Variants in EDARADD observed in about 807,000 individuals in gnomAD.
EDARADD encodes the protein EDAR associated via death domain.
Under a neutral mutation model 25.6 loss-of-function variants are expected in EDARADD, and 20 were observed. That is an observed-to-expected ratio of 0.78 (90% CI 0.55 to 1.14). EDARADD has a LOEUF of 1.14. Ranked by LOEUF, EDARADD falls within the 50% of genes most tolerant of loss-of-function variation. The probability of loss-of-function intolerance (pLI) is 0.00; values close to 1 mark genes in which losing one functional copy is unlikely to be tolerated. For missense variants in EDARADD, 225 were observed against 270.1 expected (o/e 0.83, Z 1.17); for synonymous variants, 86 against 94.4 (o/e 0.91, Z 0.52).
rs1477834585 is a variant in EDARADD, at chr1:236,482,378, G to C, written c.377G>C (p.Arg126Thr). 2 of 1,614,180 alleles carry C rather than the reference G, an allele frequency of 1.2e-6. No homozygotes were observed. Among genetic ancestry groups the C allele is most frequent in the East Asian group, 4.5e-5 (2 of 44,878 alleles). ...LNDQDLLDVIRIKLDPCHPTV... is the reference protein window; with the variant it reads ...LNDQDLLDVITIKLDPCHPTV... Reference sequence around the variant, plus strand: ...GATCAGGACTTACTAGACGTGATCAGGATAAAGCTGGATCCGTGTCACCCA... The same window carrying C: ...GATCAGGACTTACTAGACGTGATCACGATAAAGCTGGATCCGTGTCACCCA... The change falls in exon 6 of 6, where the codon AGG becomes ACG. Residue 126 changes from arginine to threonine, a missense_variant. Coordinates refer to ENST00000334232, the MANE Select transcript of EDARADD (RefSeq NM_145861.4).
chr1:236,391,112 T>C (rs1375293263), upstream of EDARADD, among the ~76,000 whole-genome samples: 1 of 151,788 alleles, frequency 6.6e-6, no homozygotes, highest in African/African-American at 2.4e-5. Flanking sequence ...ACGCCCAGCT[T>C]GGGCTAATTA....
In EDARADD at chr1:236,429,156, C is replaced by T. The variant is rs568353409; in HGVS notation, c.219+1706C>T. On this transcript the variant is annotated intron_variant, in intron 4 of 5. Coordinates refer to ENST00000334232, the MANE Select transcript of EDARADD (RefSeq NM_145861.4). ...GGGAGAGGCGGCAGTACAGTCCAGC[C>T]TCGGCTCGGCATCAGAGGGAGACTG... Among the ~76,000 whole-genome samples, 22 of 150,806 alleles carry T rather than the reference C, an allele frequency of 1.5e-4. 1 individual carries two copies. In the South Asian group the frequency reaches 4.2e-3, roughly 29 times the overall value.
rs1667488507 is a variant in EDARADD, at chr1:236,395,055, G to A, written c.61+550G>A. ...AGCGGCAGAGCCTGCTTAAAGATCA[G>A]GAAATTTGTCTAAATATCAGATCGC... On this transcript the variant is annotated intron_variant, in intron 1 of 5. Coordinates refer to ENST00000334232, the MANE Select transcript of EDARADD (RefSeq NM_145861.4). This position sits in a 1 kb window ranked among gnomAD's most constrained non-coding sequence, Gnocchi z 6.9. Among the ~76,000 whole-genome samples, 4 of 152,228 alleles carry A rather than the reference G, an allele frequency of 2.6e-5. 1 individual carries two copies. The South Asian group carries it at 8.3e-4, about 31-fold the overall frequency.
At chr1:236,437,472 G>T (rs779155048) in intron 4 of EDARADD, among the ~76,000 whole-genome samples, 1 of 152,118 alleles carries the variant, frequency 6.6e-6, no homozygotes, top group East Asian at 1.9e-4. Context: ...CCTAGCAGGG[G>T]ATGGTCTAGG....
chr1:236,355,481 T>G (rs1666962763), intron 3 of EDARADD, among the ~76,000 whole-genome samples: 1 of 150,616 alleles, frequency 6.6e-6, no homozygotes, highest in African/African-American at 2.4e-5. Flanking sequence ...CATCCACTCA[T>G]TCTCTTCTGC....
At chr1:236,464,164 G>A (rs1162439984) in intron 4 of EDARADD, among the ~76,000 whole-genome samples, 4 of 152,128 alleles carry the variant, frequency 2.6e-5, no homozygotes, top group Non-Finnish European at 5.9e-5. Context: ...CACCCGGCTA[G>A]AACGGCTTTC....
intron 1 of EDARADD, among the ~76,000 whole-genome samples, chr1:236,406,635 C>A (rs1050356227): frequency 6.6e-6 from 1 of 152,164 alleles, no homozygotes; most frequent in Admixed American, 6.5e-5. Flanking sequence ...CTTTATGGGA[C>A]CACCATCATA....
chr1:236,421,618 C>A (rs1657787901), intron 3 of EDARADD, among the ~76,000 whole-genome samples: 1 of 151,584 alleles, frequency 6.6e-6, no homozygotes, highest in African/African-American at 2.4e-5. Flanking sequence ...CTGCCGCAGC[C>A]TCCTGTGTAG....
intron 5 of EDARADD, among the ~76,000 whole-genome samples, chr1:236,472,705 C>G (rs912294671): frequency 6.6e-6 from 1 of 152,144 alleles, no homozygotes; most frequent in Non-Finnish European, 1.5e-5. Context: ...ATGCTTCTTA[C>G]GTGTGCTAGG....
At chr1:236,423,963 G>A (rs1262567374) in intron 3 of EDARADD, among the ~76,000 whole-genome samples, 11 of 151,934 alleles carry the variant, frequency 7.2e-5, no homozygotes, top group African/African-American at 2.4e-4. Context: ...AAAATTAGCC[G>A]GGCGTGGTGG....
rs779886641 is a variant in EDARADD, at chr1:236,405,789, CTTTTCTTTT to C, written c.62-3425_62-3417del. Among the ~76,000 whole-genome samples, 24 of 43,394 alleles carry C rather than the reference CTTTTCTTTT, an allele frequency of 5.5e-4. 1 individual carries two copies. The highest frequency in any genetic ancestry group is 1.8e-3 in the African/African-American group (24 of 13,068). The allele number at this position is 43,394 out of a possible 152,430, so 28.5% of individuals were successfully genotyped here. On this transcript the variant is annotated intron_variant, in intron 1 of 5. Transcript: ENST00000334232. Reference sequence around the variant, plus strand: ...TCTTTCTTTCTTTCTTTCTTTCTTTCTTTTCTTTTTCTTTCTTTCTTTCCTTCCTTCCTT... The same window carrying C: ...TCTTTCTTTCTTTCTTTCTTTCTTTCTCTTTCTTTCTTTCCTTCCTTCCTT...
chr1:236,355,768 C>G (rs1378291011), intron 3 of EDARADD, among the ~76,000 whole-genome samples: 6 of 151,898 alleles, frequency 4.0e-5, no homozygotes, highest in Non-Finnish European at 8.8e-5. Context: ...CCTCAGCCTC[C>G]CAAAGTGCTG....
chr1:236,408,288 C>T (rs1264496201), intron 1 of EDARADD, among the ~76,000 whole-genome samples: 1 of 152,034 alleles, frequency 6.6e-6, no homozygotes, highest in Non-Finnish European at 1.5e-5. Flanking sequence ...CTGCAACCTC[C>T]ACCTCCCAGG....
intron 5 of EDARADD, among the ~76,000 whole-genome samples, chr1:236,476,755 C>T (rs1659519905): frequency 2.0e-5 from 3 of 152,132 alleles, no homozygotes; most frequent in African/African-American, 7.2e-5. Flanking sequence ...GAACTCCCAA[C>T]CTCAGGTGAT....
chr1:236,363,002 A>AT lies in EDARADD; in HGVS notation c.-6+12163_-6+12164insT, dbSNP rs1455475348. On this transcript the variant is annotated intron_variant, in intron 3 of 7. Coordinates refer to the EDARADD transcript ENST00000439430. ...CTTTTTTTAAGAAAAAAAAAAAAAA[A>AT]AAAAATATATATATATATATATATA... is the stretch of plus-strand genomic sequence containing the variant. Among the ~76,000 whole-genome samples the AT allele has an allele frequency of 4.5e-4, 26 of 58,196 alleles. No homozygotes were observed. In the East Asian group the frequency reaches 6.5e-3, roughly 14 times the overall value. The allele number at this position is 58,196 out of a possible 152,430, so 38.2% of individuals were successfully genotyped here.
At chr1:236,430,875 T>C (rs1373571217) in intron 4 of EDARADD, among the ~76,000 whole-genome samples, 1 of 152,138 alleles carries the variant, frequency 6.6e-6, no homozygotes, top group African/African-American at 2.4e-5. Flanking sequence ...CCCAACACTT[T>C]GTGGGGCTGA....
intron 3 of EDARADD, among the ~76,000 whole-genome samples, chr1:236,376,294 G>A (rs73121274): frequency 2.1e-3 from 320 of 152,240 alleles, no homozygotes; most frequent in African/African-American, 7.4e-3. Flanking sequence ...TCTGACCTAT[G>A]TCATTTTCTT....
intron 4 of EDARADD, among the ~76,000 whole-genome samples, chr1:236,447,215 T>TCTTTCTTTCTTTCTTTCTTTCTTC: frequency 1.9e-5 from 1 of 52,838 alleles, no homozygotes; most frequent in South Asian, 8.5e-4. Context: ...TTTCTTTCTT[T>TCTTTCTTTCTTTCTTTCTTTCTTC]CTTTCTTTCC....
chr1:236,363,006 A>AAAAATATATATATATATATATAT (rs1377112051), intron 3 of EDARADD, among the ~76,000 whole-genome samples: 1 of 42,950 alleles, frequency 2.3e-5, no homozygotes, highest in African/African-American at 1.1e-4. Context: ...AAAAAAAAAA[A>AAAAATATATATATATATATATAT]ATATATATAT....
Sources: gnomAD v4.1 joint callset for allele counts (sites outside exome capture counted in the v4.1 genomes callset) on GRCh38, gnomAD v4.1.1 for gene constraint, Gnocchi (gnomAD v3.1) non-coding constraint, MANE v1.5 for transcripts, NCBI Gene and HGNC (gene_info 2026-07-23, HGNC 2026-07-21) for gene names.